Variants in MRI1 observed in about 807,000 individuals in gnomAD.
MRI1 encodes methylthioribose-1-phosphate isomerase.
MRI1 carries 32 observed loss-of-function variants against 27.3 expected under a neutral mutation model. That is an observed-to-expected ratio of 1.17 (90% CI 0.88 to 1.57). The LOEUF (loss-of-function observed/expected upper bound fraction) is 1.57, where lower values mean the gene tolerates loss of function less well. Ranked by LOEUF, MRI1 falls within the 40% of genes most tolerant of loss-of-function variation. MRI1 has a pLI of 0.00. For synonymous variants in MRI1, 216 were observed against 227.4 expected (o/e 0.95, Z 0.45); for missense variants, 508 against 516.1 (o/e 0.98, Z 0.15).
chr19:13,771,387 T>C (rs346153), intron 5 of MRI1, among the ~76,000 whole-genome samples: 84,550 of 151,440 alleles, frequency 0.56, 25,657 homozygotes, highest in African/African-American at 0.81. Flanking sequence ...AAAAAACAGC[T>C]AGACATGATG....
In MRI1 at chr19:13,768,930, C is replaced by T. The variant is rs775756673; in HGVS notation, c.831C>T (p.Tyr277=). The change falls in exon 5 of 6, where the codon TAC becomes TAT. Residue 277 remains tyrosine (Y), a synonymous_variant. Transcript: ENST00000040663. Reference sequence around the variant, plus strand: ...CCAAGCACCATGGCATTCCCTTCTACGTGGCTGCCCCCAGCTCTTCATGTG... The same window carrying T: ...CCAAGCACCATGGCATTCCCTTCTATGTGGCTGCCCCCAGCTCTTCATGTG... The part of the protein sequence containing the change: ...IVAKHHGIPF[Y]VAAPSSSCDL... 11 of 1,614,044 alleles carry T rather than the reference C, an allele frequency of 6.8e-6. No individual in the cohort carries two copies. The highest frequency in any genetic ancestry group is 2.2e-5 in the South Asian group (2 of 91,094).
chr19:13,772,468 T>C lies in MRI1; in HGVS notation c.*187T>C. The C allele has an allele frequency of 1.9e-6, 1 of 540,036 alleles. No individual in the cohort carries two copies. Among genetic ancestry groups the C allele is most frequent in the Non-Finnish European group, 3.3e-6 (1 of 307,070 alleles). The allele number at this position is 540,036 out of a possible 1,614,324, so 33.5% of individuals were successfully genotyped here. A position where few individuals can be genotyped will look rare whatever the true frequency, so the allele number is the denominator to read the frequency against. Reference sequence around the variant, plus strand: ...CAGATTCAAATCCTGACTCCGCCACTTTTCCCACTGTATGATCTTGGGCAA... The same window carrying C: ...CAGATTCAAATCCTGACTCCGCCACCTTTCCCACTGTATGATCTTGGGCAA... On this transcript the variant is annotated 3_prime_UTR_variant, in exon 6 of 6. Transcript: ENST00000040663.
chr19:13,768,374 A>C, intron 3 of MRI1, 187 bp from the exon 4 acceptor site: 1 of 1,485,120 alleles, frequency 6.7e-7, no homozygotes, highest in South Asian at 1.2e-5. Context: ...AAACGGAGCT[A>C]TGCGAGCATT....
Position 13,768,678 on chromosome 19 carries a change from C to T in MRI1, c.665C>T (p.Pro222Leu). 1 of 1,613,992 alleles carries T rather than the reference C, an allele frequency of 6.2e-7. No individual in the cohort carries two copies. Among genetic ancestry groups the T allele is most frequent in the Non-Finnish European group, 8.5e-7 (1 of 1,180,010 alleles). ...TAFELVYEQIPATLITDSMVA... is the reference protein window; with the variant it reads ...TAFELVYEQILATLITDSMVA... ...TTTGAGCTGGTCTATGAGCAGATCCCCGCCACCCTTATCACCGACAGCATG... is the reference window on the plus strand; with the variant it reads ...TTTGAGCTGGTCTATGAGCAGATCCTCGCCACCCTTATCACCGACAGCATG... The change falls in exon 4 of 6, where the codon CCC becomes CTC. Residue 222 changes from proline to leucine, a missense_variant. Coordinates refer to ENST00000040663, the MANE Select transcript of MRI1 (RefSeq NM_001031727.4).
Position 13,772,394 on chromosome 19 carries a change from C to T in MRI1, c.*113C>T. ...CCACACTTGTTCCTAGTGCAGGGAG[C>T]TCAGACAGGGCCTTCCATCTAGAGC... is the stretch of plus-strand genomic sequence containing the variant. On this transcript the variant is annotated 3_prime_UTR_variant, in exon 6 of 6. Transcript: ENST00000040663. 9.6e-7 allele frequency: 1 copy of T among 1,040,508 alleles called. No individual in the cohort carries two copies. 64.5% of individuals were successfully genotyped at this position (1,040,508 alleles called of 1,614,324 possible). A position where few individuals can be genotyped will look rare whatever the true frequency, so the allele number is the denominator to read the frequency against.
At chr19:13,769,749 G>A (rs1195589059) in intron 5 of MRI1, among the ~76,000 whole-genome samples, 7 of 151,116 alleles carry the variant, frequency 4.6e-5, no homozygotes, top group African/African-American at 9.7e-5. Context: ...GTGAAACCCC[G>A]TCTCTACTAA....
chr19:13,768,452 G>T, intron 3 of MRI1, 109 bp from the exon 4 acceptor site: 1 of 1,568,016 alleles, frequency 6.4e-7, no homozygotes, highest in Non-Finnish European at 8.6e-7. Flanking sequence ...TGCTCGGTAA[G>T]CCTTTGGCAA....
intron 3 of MRI1, among the ~76,000 whole-genome samples, chr19:13,767,480 G>T (rs1363421196): frequency 6.6e-6 from 1 of 152,064 alleles, no homozygotes; most frequent in African/African-American, 2.4e-5. Flanking sequence ...TGGGAGGATT[G>T]CTTGAACTCA....
At chr19:13,771,723 G>T (rs1424874862) in intron 5 of MRI1, among the ~76,000 whole-genome samples, 1 of 152,036 alleles carries the variant, frequency 6.6e-6, no homozygotes, top group Non-Finnish European at 1.5e-5. Context: ...GGGCATGGTG[G>T]TGCATGCCTG....
At chr19:13,766,748 A>G (rs937426707) in intron 3 of MRI1, among the ~76,000 whole-genome samples, 1 of 151,930 alleles carries the variant, frequency 6.6e-6, no homozygotes, top group South Asian at 2.1e-4. Context: ...TCATTCACTC[A>G]CCCAGCATTT....
In MRI1 at chr19:13,772,859, T is replaced by TA. The variant is rs915246335; in HGVS notation, c.*585dup. On this transcript the variant is annotated 3_prime_UTR_variant, in exon 6 of 6. Coordinates refer to ENST00000040663, the MANE Select transcript of MRI1 (RefSeq NM_001031727.4). ...AAATATAATTAATTAATTATTTAATTAAAAAAATAAAAAATAAATGTGGAT... is the reference window on the plus strand; with the variant it reads ...AAATATAATTAATTAATTATTTAATTAAAAAAAATAAAAAATAAATGTGGAT... 4.0e-5 allele frequency: 6 copies of TA among 151,168 alleles called. No individual in the cohort carries two copies. Among genetic ancestry groups the TA allele is most frequent in the African/African-American group, 1.5e-4 (6 of 40,964 alleles). The allele number at this position is 151,168 out of a possible 1,614,324, so 9.4% of individuals were successfully genotyped here. A position where few individuals can be genotyped will look rare whatever the true frequency, so the allele number is the denominator to read the frequency against.
Position 13,772,230 on chromosome 19 carries a change from A to T in MRI1, c.1059A>T (p.Leu353=). ...VFAPEELRTA[L]TTTISSRDGT... ...CCCCTGAGGAGCTCCGGACAGCCCT[A>T]ACCACCACCATCTCTTCCAGGGATG... The change falls in exon 6 of 6, where the codon CTA becomes CTT. Residue 353 remains leucine, a synonymous_variant. Coordinates refer to ENST00000040663, the MANE Select transcript of MRI1 (RefSeq NM_001031727.4). 6.2e-7 allele frequency: 1 copy of T among 1,614,054 alleles called. No individual in the cohort carries two copies.
At position 13,765,075 on chromosome 19, in the gene MRI1, C is replaced by G; in HGVS notation, c.337C>G (p.Arg113Gly). ...TGATGTTGCAGCCCGGGAGGCCGAA[C>G]GGGAGGGCGCTACGGAAGAGGCGGT... ...LADVAAREAEREGATEEAVRE... is the reference protein window; with the variant it reads ...LADVAAREAEGEGATEEAVRE... The change falls in exon 2 of 6, where the codon CGG becomes GGG. Residue 113 changes from arginine to glycine, a missense_variant. Physicochemically the swap from Arg to Gly is moderately radical, Grantham distance 125 (BLOSUM62 -2). Coordinates refer to ENST00000040663, the MANE Select transcript of MRI1 (RefSeq NM_001031727.4). 6.5e-7 allele frequency: 1 copy of G among 1,529,948 alleles called. No homozygotes were observed. The highest frequency in any genetic ancestry group is 8.7e-7 in the Non-Finnish European group (1 of 1,143,992). The allele number at this position is 1,529,948 out of a possible 1,614,324, so 94.8% of individuals were successfully genotyped here.
At chr19:13,771,864 A>T (rs1220521380) in intron 5 of MRI1, among the ~76,000 whole-genome samples, 1 of 152,210 alleles carries the variant, frequency 6.6e-6, no homozygotes, top group African/African-American at 2.4e-5. Flanking sequence ...TCTCACAAAA[A>T]ATAAAAAAAT....
chr19:13,769,549 GAGTA>G (rs1974226465), intron 5 of MRI1, among the ~76,000 whole-genome samples: 1 of 152,150 alleles, frequency 6.6e-6, no homozygotes. Context: ...GAATGATCTT[GAGTA>G]ACTGTCTTGC....
At position 13,772,621 on chromosome 19, in the gene MRI1, G is replaced by A. The variant is rs572840831; in HGVS notation, c.*340G>A. 4.5e-4 allele frequency: 75 copies of A among 166,582 alleles called. No individual in the cohort carries two copies. The highest frequency in any genetic ancestry group is 8.4e-4 in the Non-Finnish European group (64 of 76,494). The allele number at this position is 166,582 out of a possible 1,614,324, so 10.3% of individuals were successfully genotyped here. On this transcript the variant is annotated 3_prime_UTR_variant, in exon 6 of 6. Coordinates refer to ENST00000040663, the MANE Select transcript of MRI1 (RefSeq NM_001031727.4). ...AGGCAGGTGGATCACAAGATCAGGAGATTGAGACCATCCTGGCTAACATGG... is the reference window on the plus strand; with the variant it reads ...AGGCAGGTGGATCACAAGATCAGGAAATTGAGACCATCCTGGCTAACATGG...
At chr19:13,769,227 G>A (rs756819105) in intron 5 of MRI1, among the ~76,000 whole-genome samples, 179 bp downstream of exon 5, 5 of 152,094 alleles carry the variant, frequency 3.3e-5, no homozygotes, top group Admixed American at 6.6e-5. Flanking sequence ...GCAGTGGCAC[G>A]ATCTGGGCTC....
At chr19:13,769,866 G>T (rs925838436) in intron 5 of MRI1, among the ~76,000 whole-genome samples, 2 of 151,774 alleles carry the variant, frequency 1.3e-5, no homozygotes, top group African/African-American at 4.8e-5. Flanking sequence ...GTTGTGGTGA[G>T]CTGAGATTAC....
intron 4 of MRI1, 22 bp from the exon 5 acceptor site, chr19:13,768,802 T>G (rs745563844): frequency 6.3e-7 from 1 of 1,593,604 alleles, no homozygotes; most frequent in Non-Finnish European, 8.6e-7. Flanking sequence ...GACCCCCAAC[T>G]TCTCATACGC....
Sources: allele counts gnomAD v4.1 joint callset (sites outside exome capture counted in the v4.1 genomes callset), GRCh38; gene constraint gnomAD v4.1.1; transcripts MANE v1.5; gene names NCBI Gene and HGNC (gene_info 2026-07-23, HGNC 2026-07-21).